Variants in ANKRD29 observed in about 807,000 individuals in gnomAD.
The protein encoded by ANKRD29 is ankyrin repeat domain 29.
Under a neutral mutation model 38.0 loss-of-function variants are expected in ANKRD29, and 32 were observed. The ratio of observed to expected loss-of-function variants is 0.84; its 90% confidence interval spans 0.64 to 1.13. The LOEUF is 1.13. Among genes scored for constraint, ANKRD29 ranks in the 50% most tolerant of loss-of-function variants. ANKRD29 has a pLI of 0.00. For synonymous variants in ANKRD29, 135 were observed against 152.4 expected (o/e 0.89, Z 0.84); for missense variants, 357 against 377.9 (o/e 0.94, Z 0.46).
chr18:23,612,337 T>G, intron 8 of ANKRD29, 147 bp from the exon 9 acceptor site: 1 of 644,048 alleles, frequency 1.6e-6, no homozygotes, highest in South Asian at 2.0e-5. Context: ...CAAAGTCACA[T>G]CAGCCCCTAG....
intron 8 of ANKRD29, among the ~76,000 whole-genome samples, chr18:23,616,593 T>TACTATATATACAGTATATATATATATAC (rs2059724379): frequency 7.1e-6 from 1 of 141,672 alleles, no homozygotes; most frequent in Non-Finnish European, 1.5e-5. Flanking sequence ...TATATATATA[T>TACTATATATACAGTATATATATATATAC]ACTATATATA....
At chr18:23,614,088 G>A (rs2059680728) in intron 8 of ANKRD29, among the ~76,000 whole-genome samples, 1 of 150,526 alleles carries the variant, frequency 6.6e-6, no homozygotes, top group African/African-American at 2.4e-5. Context: ...CTTTTTTCTG[G>A]AGATGGAGTT....
chr18:23,639,743 C>G (rs1183987557), intron 3 of ANKRD29, among the ~76,000 whole-genome samples: 1 of 152,052 alleles, frequency 6.6e-6, no homozygotes, highest in African/African-American at 2.4e-5. Flanking sequence ...ACTATGTTGA[C>G]CAGGCTGGTC....
intron 3 of ANKRD29, among the ~76,000 whole-genome samples, chr18:23,641,370 C>G (rs9958006): frequency 3.5e-4 from 53 of 152,364 alleles, no homozygotes; most frequent in African/African-American, 1.3e-3. Context: ...TGCTCCTGCT[C>G]CCTGGCCTCT....
At chr18:23,655,847 A>G (rs910512044) in intron 1 of ANKRD29, among the ~76,000 whole-genome samples, 22 of 150,042 alleles carry the variant, frequency 1.5e-4, no homozygotes, top group African/African-American at 5.3e-4. Flanking sequence ...TAATCCCAGC[A>G]CTTTGGGAGG....
At chr18:23,604,882 T>A (rs918033991) in intron 9 of ANKRD29, among the ~76,000 whole-genome samples, 3 of 152,210 alleles carry the variant, frequency 2.0e-5, no homozygotes, top group Non-Finnish European at 4.4e-5. Context: ...AGAAGTGCTG[T>A]AGGCATGTTT....
intron 1 of ANKRD29, 178 bp from the exon 2 acceptor site, chr18:23,649,371 A>G (rs2060181953): frequency 2.8e-6 from 2 of 704,016 alleles, no homozygotes; most frequent in Non-Finnish European, 5.2e-6. Context: ...TGGATTCCAG[A>G]CACCTGAGCC....
intron 6 of ANKRD29, 42 bp from the exon 7 acceptor site, chr18:23,619,671 C>T (rs780464188): frequency 1.4e-6 from 2 of 1,477,024 alleles, no homozygotes; most frequent in Non-Finnish European, 9.0e-7. Context: ...CTGGGGCGCC[C>T]GGCCCCACCC....
At chr18:23,623,941 C>T (rs1041697985) in intron 6 of ANKRD29, among the ~76,000 whole-genome samples, 3 of 151,586 alleles carry the variant, frequency 2.0e-5, no homozygotes, top group South Asian at 4.2e-4. Flanking sequence ...CCGCGTCTGG[C>T]GATTTTATAT....
intron 9 of ANKRD29, among the ~76,000 whole-genome samples, chr18:23,609,825 T>C (rs1181569456): frequency 6.6e-6 from 1 of 152,180 alleles, no homozygotes; most frequent in East Asian, 1.9e-4. Flanking sequence ...AAGGCAATTG[T>C]GATTTCAACT....
At position 23,655,816 on chromosome 18, in the gene ANKRD29, G is replaced by C. The variant is rs547201770; in HGVS notation, c.22-6623C>G. The stretch of plus-strand genomic sequence containing the variant: ...TTTACTTTAAAAGATAATTCTGGCC[G>C]GGCGCGGTGGCTCACGCCTGTAATC... On this transcript the variant is annotated intron_variant, in intron 1 of 9. Coordinates refer to ENST00000592179, the MANE Select transcript of ANKRD29 (RefSeq NM_173505.4). 6.4e-3 allele frequency among the ~76,000 whole-genome samples: 958 copies of C among 149,832 alleles called. 10 individuals carry two copies. Among genetic ancestry groups the C allele is most frequent in the African/African-American group, 0.022 (909 of 41,046 alleles).
chr18:23,602,784 GA>G (rs56844621), intron 9 of ANKRD29, among the ~76,000 whole-genome samples: 192 of 126,138 alleles, frequency 1.5e-3, no homozygotes, highest in African/African-American at 4.7e-3. Context: ...TTTTCAAAAA[GA>G]AAAAAAAAAG....
chr18:23,641,790 C>T (rs2060081301), intron 3 of ANKRD29, among the ~76,000 whole-genome samples: 1 of 152,348 alleles, frequency 6.6e-6, no homozygotes, highest in African/African-American at 2.4e-5. Flanking sequence ...GAAGGATCTA[C>T]CCATTGTGGG....
At chr18:23,639,495 T>A (rs982772707) in intron 3 of ANKRD29, among the ~76,000 whole-genome samples, 1 of 151,446 alleles carries the variant, frequency 6.6e-6, no homozygotes, top group Non-Finnish European at 1.5e-5. Context: ...AAGCTAGTCA[T>A]AAAAGGCCAA....
chr18:23,632,533 G>GTATATATATATATA (rs61584775), intron 5 of ANKRD29, among the ~76,000 whole-genome samples: 4,495 of 130,780 alleles, frequency 0.034, 295 homozygotes, highest in Admixed American at 0.15. Flanking sequence ...GTGTGTGTGT[G>GTATATATATATATA]TATATATATA....
chr18:23,601,987 GTAGTCTGCCCAC>G (rs2055107626), intron 9 of ANKRD29, among the ~76,000 whole-genome samples: 1 of 151,774 alleles, frequency 6.6e-6, no homozygotes, highest in Non-Finnish European at 1.5e-5. Context: ...ATGACATGAG[GTAGTCTGCCCAC>G]TAAGGACTTG....
intron 4 of ANKRD29, among the ~76,000 whole-genome samples, chr18:23,636,559 C>A (rs566761133): frequency 6.6e-6 from 1 of 152,006 alleles, no homozygotes; most frequent in Admixed American, 6.6e-5. Context: ...AGCCATCCCA[C>A]CTGGCCTCTT....
intron 9 of ANKRD29, among the ~76,000 whole-genome samples, chr18:23,611,125 T>TG: frequency 6.6e-6 from 1 of 152,234 alleles, no homozygotes; most frequent in Non-Finnish European, 1.5e-5. Context: ...CCGCGAAGTT[T>TG]GGCCTAATTG....
At chr18:23,608,788 G>A (rs2059603768) in intron 9 of ANKRD29, among the ~76,000 whole-genome samples, 1 of 152,158 alleles carries the variant, frequency 6.6e-6, no homozygotes, top group East Asian at 1.9e-4. Flanking sequence ...CTTCTTGCCT[G>A]GGGACCAGTC....
Sources: gnomAD v4.1 joint callset for allele counts (sites outside exome capture counted in the v4.1 genomes callset) on GRCh38, gnomAD v4.1.1 for gene constraint, MANE v1.5 for transcripts, NCBI Gene and HGNC (gene_info 2026-07-23, HGNC 2026-07-21) for gene names.